Variants in TULP4 observed in about 807,000 individuals in gnomAD.
TULP4 encodes TUB like protein 4.
Under a neutral mutation model 129.0 loss-of-function variants are expected in TULP4, and 16 were observed. The ratio of observed to expected loss-of-function variants is 0.12; its 90% CI spans 0.08 to 0.19. The LOEUF is 0.19. TULP4 is among the 10% of genes least tolerant of loss of function. TULP4 has a pLI of 1.00. For synonymous variants in TULP4, 998 were observed against 854.0 expected (o/e 1.17, Z -2.94); for missense variants, 1,842 against 2,059.1 (o/e 0.89, Z 2.04).
At chr6:158,269,815 T>C (rs75715362) in intron 1 of TULP4, among the ~76,000 whole-genome samples, 1,692 of 152,322 alleles carry the variant, frequency 0.011, 34 homozygotes, top group African/African-American at 0.037. Context: ...TCTTGGGAAA[T>C]GAAGGTGTTT....
upstream of TULP4, among the ~76,000 whole-genome samples, chr6:158,308,993 C>A (rs1583727502): frequency 2.0e-5 from 3 of 148,058 alleles, no homozygotes; most frequent in East Asian, 2.1e-4. Flanking sequence ...CTGACCCCCC[C>A]ACCTCCCTCC....
chr6:158,410,868 C>A (rs1327484567), intron 1 of TULP4, among the ~76,000 whole-genome samples: 2 of 152,056 alleles, frequency 1.3e-5, no homozygotes, highest in Non-Finnish European at 2.9e-5. Flanking sequence ...GTTGAGCCCC[C>A]TCCTTTGTCT....
chr6:158,282,038 T>A (rs1166145177), upstream of TULP4, among the ~76,000 whole-genome samples: 1 of 152,190 alleles, frequency 6.6e-6, no homozygotes, highest in African/African-American at 2.4e-5. Context: ...ATTTTTGCTG[T>A]CTTCTTTTTC....
intron 1 of TULP4, among the ~76,000 whole-genome samples, chr6:158,350,717 C>T (rs899336887): frequency 4.0e-5 from 6 of 150,760 alleles, no homozygotes; most frequent in African/African-American, 1.5e-4. Flanking sequence ...AGAGGGAGAC[C>T]GTAGAAAGAA....
intron 1 of TULP4, among the ~76,000 whole-genome samples, chr6:158,403,682 T>G (rs116722647): frequency 0.013 from 2,046 of 152,346 alleles, 52 homozygotes; most frequent in African/African-American, 0.045. Context: ...TACTACGCTA[T>G]GGAAACCCTG....
At chr6:158,432,382 G>A (rs1778650371) in intron 3 of TULP4, among the ~76,000 whole-genome samples, 1 of 152,152 alleles carries the variant, frequency 6.6e-6, no homozygotes, top group Non-Finnish European at 1.5e-5. Flanking sequence ...GCAGCTCAGG[G>A]GCTCTGAACG....
chr6:158,451,868 A>G (rs930363324), intron 4 of TULP4, among the ~76,000 whole-genome samples: 2 of 152,262 alleles, frequency 1.3e-5, no homozygotes, highest in African/African-American at 4.8e-5. Context: ...AAACTTTCAC[A>G]CATATTCTCA....
rs753170133 is a variant in TULP4, at chr6:158,299,680, A to G, written n.117-12371A>G. Among the ~76,000 whole-genome samples the G allele has an allele frequency of 8.5e-5, 13 of 152,316 alleles. 2 individuals are homozygous for G. The South Asian group carries it at 1.9e-3, about 22-fold the overall frequency. ...TTTCTTTTCCTGGTTGAGCAGGGCA[A>G]TGTTCATCTGTAGCTCCAGGCAGCC... On this transcript the variant is annotated intron_variant and non_coding_transcript_variant, in intron 1 of 1. Coordinates refer to the TULP4 transcript ENST00000432358.
At chr6:158,440,119 A>G (rs1316296898) in intron 3 of TULP4, among the ~76,000 whole-genome samples, 2 of 151,862 alleles carry the variant, frequency 1.3e-5, no homozygotes, top group African/African-American at 4.8e-5. Flanking sequence ...GGAGTCCAGG[A>G]GTTCAAGACC....
At chr6:158,457,525 T>C (rs1291318022) in intron 5 of TULP4, among the ~76,000 whole-genome samples, 1 of 152,206 alleles carries the variant, frequency 6.6e-6, no homozygotes, top group African/African-American at 2.4e-5. Flanking sequence ...AGCAGGGAAT[T>C]GATTCACTTT....
chr6:158,467,198 C>A (rs1053105415), intron 6 of TULP4, among the ~76,000 whole-genome samples: 1 of 152,056 alleles, frequency 6.6e-6, no homozygotes, highest in East Asian at 1.9e-4. Flanking sequence ...TGTCTACATC[C>A]TTTTGTCTTC....
At position 158,355,705 on chromosome 6, in the gene TULP4, A is replaced by G. The variant is rs1583789087; in HGVS notation, c.252+41437A>G. On this transcript the variant is annotated intron_variant, in intron 1 of 13. Coordinates refer to ENST00000367097, the MANE Select transcript of TULP4 (RefSeq NM_020245.5). ...GGGAGTAAAATTAGTGGGATCATGG[A>G]CAGGTTTGGTGTAGGTGGCAAGTAA... Among the ~76,000 whole-genome samples, 4 of 152,296 alleles carry G rather than the reference A, an allele frequency of 2.6e-5. 1 individual carries two copies. In the South Asian group the frequency reaches 8.3e-4, roughly 32 times the overall value.
At chr6:158,423,979 A>G (rs2115040426) in intron 2 of TULP4, among the ~76,000 whole-genome samples, 1 of 152,284 alleles carries the variant, frequency 6.6e-6, no homozygotes, top group South Asian at 2.1e-4. Context: ...AAAAATGAAA[A>G]GGCAAGCCAA....
chr6:158,248,888 G>A (rs1378334014), intron 1 of TULP4, among the ~76,000 whole-genome samples: 1 of 152,124 alleles, frequency 6.6e-6, no homozygotes, highest in African/African-American at 2.4e-5. Context: ...GACAGGTTTA[G>A]GTGGAAGGAT....
At chr6:158,340,478 C>T (rs1780155140) in intron 1 of TULP4, among the ~76,000 whole-genome samples, 1 of 152,088 alleles carries the variant, frequency 6.6e-6, no homozygotes, top group Non-Finnish European at 1.5e-5. Context: ...ATCTCGTCAG[C>T]TGATATTATC....
intron 1 of TULP4, among the ~76,000 whole-genome samples, chr6:158,410,520 G>A (rs1264286239): frequency 6.6e-6 from 1 of 152,194 alleles, no homozygotes; most frequent in African/African-American, 2.4e-5. Flanking sequence ...TGAACATCGT[G>A]TTCTTAATTT....
At chr6:158,438,818 C>A (rs1481665853) in intron 3 of TULP4, among the ~76,000 whole-genome samples, 1 of 152,092 alleles carries the variant, frequency 6.6e-6, no homozygotes, top group South Asian at 2.1e-4. Flanking sequence ...CTCCTGACTT[C>A]AGGTGATCTG....
intron 1 of TULP4, among the ~76,000 whole-genome samples, chr6:158,306,624 T>G (rs1727877442): frequency 6.6e-6 from 1 of 152,258 alleles, no homozygotes; most frequent in Non-Finnish European, 1.5e-5. Context: ...CTGTGATTTT[T>G]GAACTTTATT....
intron 1 of TULP4, among the ~76,000 whole-genome samples, chr6:158,255,307 CTTCT>C (rs1245247260): frequency 1.3e-5 from 2 of 152,232 alleles, no homozygotes; most frequent in African/African-American, 2.4e-5. Context: ...TCTTTCTTCC[CTTCT>C]TTCTAAGTAG....
Sources: allele counts gnomAD v4.1 joint callset (sites outside exome capture counted in the v4.1 genomes callset), GRCh38; gene constraint gnomAD v4.1.1; transcripts MANE v1.5; gene names NCBI Gene and HGNC (gene_info 2026-07-23, HGNC 2026-07-21).